Variants in GUCD1 observed in about 807,000 individuals in gnomAD.
GUCD1 encodes protein GUCD1.
In GUCD1, 17 loss-of-function variants were observed where a neutral mutation model predicts 28.3. The observed-to-expected ratio is 0.60, with a 90% CI of 0.41 to 0.90. GUCD1 has a LOEUF of 0.90. Ranked by LOEUF, GUCD1 falls within the 40% of genes least tolerant of loss-of-function variation. The pLI, the probability that GUCD1 is intolerant of heterozygous loss-of-function variation, is 0.00. For missense variants in GUCD1, 279 were observed against 305.5 expected, an observed-to-expected ratio of 0.91 and a Z score of 0.65; for synonymous variants, 129 against 123.3, an observed-to-expected ratio of 1.05 and a Z score of -0.30.
In GUCD1 at chr22:24,548,020, T is replaced by C. The variant is rs929184803; in HGVS notation, c.182A>G (p.Gln61Arg). 4 of 1,614,054 alleles carry C rather than the reference T, an allele frequency of 2.5e-6. No homozygotes were observed. The Admixed American group carries it at 5.0e-5, about 20-fold the overall frequency. Residue 61 changes from glutamine to arginine, a missense_variant, in exon 3 of 6, where the codon CAG becomes CGG. Coordinates refer to ENST00000435822, the MANE Select transcript of GUCD1 (RefSeq NM_001284254.2). ...GATGGTCCAGATGCTCCTGGTCAGCTGCAGCTTCTGCAGGGCTCTCTCAAA... is the reference window on the plus strand; with the variant it reads ...GATGGTCCAGATGCTCCTGGTCAGCCGCAGCTTCTGCAGGGCTCTCTCAAA... Reference protein sequence around the residue: ...SEFERALQKLQLTRSIWTIDL... With the variant: ...SEFERALQKLRLTRSIWTIDL...
At chr22:24,545,770 AT>A (rs1290294554) in intron 4 of GUCD1, among the ~76,000 whole-genome samples, 1 of 150,128 alleles carries the variant, frequency 6.7e-6, no homozygotes, top group Admixed American at 6.7e-5. Flanking sequence ...CGCCCAGCTA[AT>A]TTTTTGTATT....
At chr22:24,555,398 G>T (rs934220996), upstream of GUCD1, 15 of 1,242,366 alleles carry the variant, frequency 1.2e-5, no homozygotes, top group Non-Finnish European at 1.6e-5. Flanking sequence ...TGCATTTCCT[G>T]AATAGAGGCT....
Position 24,555,115 on chromosome 22 carries a change from A to G in GUCD1, c.-124T>C. On this transcript the variant is annotated 5_prime_UTR_variant, in exon 1 of 6. Coordinates refer to ENST00000435822, the MANE Select transcript of GUCD1 (RefSeq NM_001284254.2). ...TTCTCCGCCACCGCCGCCGCTGCGG[A>G]GGAGAGAACGGGAGGCGGCGGCTGG... 1.5e-6 allele frequency: 2 copies of G among 1,315,092 alleles called. No individual in the cohort carries two copies. The highest frequency in any genetic ancestry group is 1.9e-6 in the Non-Finnish European group (2 of 1,032,240). 81.5% of individuals were successfully genotyped at this position (1,315,092 alleles called of 1,614,324 possible). A position where few individuals can be genotyped will look rare whatever the true frequency, so the allele number is the denominator to read the frequency against.
intron 1 of GUCD1, among the ~76,000 whole-genome samples, chr22:24,554,408 C>T (rs2044972305): frequency 6.6e-6 from 1 of 152,252 alleles, no homozygotes; most frequent in Admixed American, 6.5e-5. Context: ...CTAGCTAGAA[C>T]TCCGTTTGTC....
intron 1 of GUCD1, among the ~76,000 whole-genome samples, chr22:24,549,340 G>C (rs1489552325): frequency 6.6e-6 from 1 of 151,998 alleles, no homozygotes; most frequent in South Asian, 2.1e-4. Context: ...TGCACACCTG[G>C]TTCCTCTGCC....
In GUCD1 at chr22:24,543,019, T is replaced by C. The variant is rs2044631390; in HGVS notation, c.707A>G (p.Tyr236Cys). The change falls in exon 6 of 6, where the codon TAC (tyrosine) becomes TGC (cysteine). Residue 236 changes from tyrosine to cysteine, a missense_variant. Coordinates refer to ENST00000435822, the MANE Select transcript of GUCD1 (RefSeq NM_001284254.2). Reference protein sequence around the residue: ...YGTDEDILFVYLDS With the variant: ...YGTDEDILFVCLDS ...AGGCTCCTGCTGTCAGCTGTCCAAGTAGACAAAGAGGATGTCCTCATCTGT... is the reference window on the plus strand; with the variant it reads ...AGGCTCCTGCTGTCAGCTGTCCAAGCAGACAAAGAGGATGTCCTCATCTGT... 1 of 1,612,996 alleles carries C rather than the reference T, an allele frequency of 6.2e-7. No homozygotes were observed. The highest frequency in any genetic ancestry group is 8.5e-7 in the Non-Finnish European group (1 of 1,179,036).
intron 1 of GUCD1, among the ~76,000 whole-genome samples, chr22:24,550,025 C>A (rs937273764): frequency 3.3e-5 from 5 of 152,180 alleles, no homozygotes; most frequent in Non-Finnish European, 7.3e-5. Flanking sequence ...GAGCTCCATC[C>A]CCCACCAACC....
At chr22:24,544,193 CT>C in intron 4 of GUCD1, 110 bp from the exon 5 acceptor site, 5 of 1,466,436 alleles carry the variant, frequency 3.4e-6, no homozygotes, top group Non-Finnish European at 4.6e-6. Context: ...GGATCGGCTC[CT>C]TTTCCCTTTG....
At position 24,543,103 on chromosome 22, in the gene GUCD1, G is replaced by A; in HGVS notation, c.629-6C>T. 6.2e-7 allele frequency: 1 copy of A among 1,611,990 alleles called. No individual in the cohort carries two copies. Among genetic ancestry groups the A allele is most frequent in the Non-Finnish European group, 8.5e-7 (1 of 1,178,184 alleles). ...GATGCTGGTGCTGCACATTCCTGCT[G>A]GGGGTGGGGAAGGCAGAACGGGGTC... On this transcript the variant is annotated splice_region_variant and splice_polypyrimidine_tract_variant and intron_variant, in intron 5 of 5. Transcript: ENST00000435822.
chr22:24,544,188 G>A (rs981552207), intron 4 of GUCD1, 105 bp from the exon 5 acceptor site: 11 of 1,487,576 alleles, frequency 7.4e-6, no homozygotes, highest in Admixed American at 1.9e-5. Flanking sequence ...CTTGGGGATC[G>A]GCTCCTTTTC....
chr22:24,555,415 T>G (rs1183008168), upstream of GUCD1: 23 of 1,177,920 alleles, frequency 2.0e-5, no homozygotes, highest in South Asian at 3.7e-4. Context: ...GGCTCGTCCC[T>G]TCGGCAAGCC....
At chr22:24,553,731 CAG>C (rs1569018963) in intron 1 of GUCD1, among the ~76,000 whole-genome samples, 1 of 152,252 alleles carries the variant, frequency 6.6e-6, no homozygotes, top group East Asian at 1.9e-4. Flanking sequence ...AGCTCTCTCT[CAG>C]AGACTCAGCT....
chr22:24,555,281 G>T (rs890237201), upstream of GUCD1: 4 of 1,365,746 alleles, frequency 2.9e-6, no homozygotes, highest in South Asian at 3.8e-5. Context: ...CCGCCTCAGC[G>T]TTGAGTGGCC....
intron 4 of GUCD1, among the ~76,000 whole-genome samples, chr22:24,544,334 G>A (rs565624160): frequency 1.3e-4 from 20 of 152,098 alleles, no homozygotes; most frequent in African/African-American, 4.8e-4. Flanking sequence ...CCCTTCACGG[G>A]GAGAGCATTC....
At chr22:24,550,208 C>G (rs951459352) in intron 1 of GUCD1, among the ~76,000 whole-genome samples, 3 of 152,190 alleles carry the variant, frequency 2.0e-5, no homozygotes. Context: ...TGGTCTGATT[C>G]AGTCATTCAG....
chr22:24,546,988 G>A lies in GUCD1; in HGVS notation c.312C>T (p.His104=), dbSNP rs1406876207. The change falls in exon 4 of 6, where the codon CAC becomes CAT. Residue 104 remains histidine, a synonymous_variant. Transcript: ENST00000435822. The part of the protein sequence containing the change: ...GYKNQSFYRK[H]FDTEETRVNQ... ...TCACCCGGGTCTCTTCTGTGTCAAAGTGCTTCCTGTAGAAGGACTGAACAG... is the reference window on the plus strand; with the variant it reads ...TCACCCGGGTCTCTTCTGTGTCAAAATGCTTCCTGTAGAAGGACTGAACAG... 6.2e-7 allele frequency: 1 copy of A among 1,614,090 alleles called. No individual in the cohort carries two copies. Among genetic ancestry groups the A allele is most frequent in the Non-Finnish European group, 8.5e-7 (1 of 1,179,964 alleles).
intron 1 of GUCD1, among the ~76,000 whole-genome samples, chr22:24,553,729 C>A (rs1390490796): frequency 3.9e-5 from 6 of 152,260 alleles, no homozygotes; most frequent in Non-Finnish European, 8.8e-5. Flanking sequence ...GCAGCTCTCT[C>A]TCAGAGACTC....
intron 1 of GUCD1, among the ~76,000 whole-genome samples, chr22:24,552,667 G>T (rs2044911235): frequency 6.6e-6 from 1 of 152,006 alleles, no homozygotes; most frequent in African/African-American, 2.4e-5. Context: ...CTACTCGGGA[G>T]GCTGAGGCAG....
At chr22:24,555,510 T>A, upstream of GUCD1, 43 of 1,349,062 alleles carry the variant, frequency 3.2e-5, no homozygotes, top group Non-Finnish European at 4.3e-5. Flanking sequence ...CCCAAGCAAC[T>A]CTCCTCCAAC....
Sources: allele counts gnomAD v4.1 joint callset (sites outside exome capture counted in the v4.1 genomes callset), GRCh38; gene constraint gnomAD v4.1.1; transcripts MANE v1.5; gene names NCBI Gene and HGNC (gene_info 2026-07-23, HGNC 2026-07-21).